The following HOOK2 variants were observed in gnomAD, a reference collection of about 807,000 sequenced individuals.
HOOK2 encodes protein Hook homolog 2.
HOOK2 carries 108 observed loss-of-function variants against 111.9 expected under a neutral mutation model. That is an observed-to-expected ratio of 0.96 (90% CI 0.83 to 1.13). HOOK2 has a LOEUF of 1.13. Among genes scored for constraint, HOOK2 ranks in the 50% most tolerant of loss-of-function variants. The pLI is 0.00. For missense variants in HOOK2, 978 were observed against 951.3 expected (o/e 1.03, Z -0.37); for synonymous variants, 405 against 394.3 (o/e 1.03, Z -0.32).
At chr19:12,792,305 A>G (rs753128221) in intron 3 of HOOK2, 4 of 1,502,010 alleles carry the variant, frequency 2.7e-6, no homozygotes, top group Non-Finnish European at 3.6e-6. Context: ...GCCCGGAGCC[A>G]CCTCCCGTTT....
At position 12,773,002 on chromosome 19, in the gene HOOK2, A is replaced by T. The variant is rs1968382242; in HGVS notation, c.247T>A (p.Ser83Thr). Residue 83 changes from serine to threonine, a missense_variant, in exon 4 of 23, where the codon TCC becomes ACC. Coordinates refer to ENST00000397668, the MANE Select transcript of HOOK2 (RefSeq NM_013312.3). ...CCTTTACAGTTACTCACATCCTGGGAGTACTCTACTAGGCTCCGTAAGACC... is the reference window on the plus strand; with the variant it reads ...CCTTTACAGTTACTCACATCCTGGGTGTACTCTACTAGGCTCCGTAAGACC... ...KMVLRSLVEY[S>T]QDVLAHPVSE... is the part of the protein sequence containing the mutation. The T allele has an allele frequency of 6.2e-7, 1 of 1,613,988 alleles. No homozygotes were observed. The highest frequency in any genetic ancestry group is 1.3e-5 in the African/African-American group (1 of 74,904).
chr19:12,767,854 C>G lies in HOOK2; in HGVS notation c.1265G>C (p.Arg422Pro), dbSNP rs780276631. The G allele has an allele frequency of 3.7e-6, 6 of 1,606,136 alleles. No individual in the cohort carries two copies. In the African/African-American group the frequency reaches 8.0e-5, roughly 21 times the overall value. Residue 422 changes from arginine (R) to proline (P), a missense_variant, in exon 13 of 23, where the codon CGC (arginine) becomes CCC (proline). By Grantham distance (103) the Arg-to-Pro change is moderately radical. Coordinates refer to ENST00000397668, the MANE Select transcript of HOOK2 (RefSeq NM_013312.3). ...DSLREANEEL[R>P]CAQLQPRGLT... ...CCCCCGCGGCTGCAGCTGGGCGCAG[C>G]GCAGCTCCTCATTGGCCTCCCGCAA...
intron 1 of HOOK2, 46 bp from the exon 2 acceptor site, chr19:12,774,943 C>T: frequency 1.9e-6 from 3 of 1,544,670 alleles, no homozygotes; most frequent in South Asian, 2.3e-5. Flanking sequence ...GGCCTGGGAG[C>T]GCCGAACCGC....
Position 12,774,034 on chromosome 19 carries a change from C to A in HOOK2, c.204+635G>T, listed in dbSNP as rs1968417216. The A allele has an allele frequency of 2.6e-5, 4 of 155,114 alleles. No homozygotes were observed. The South Asian group carries it at 7.8e-4, about 30-fold the overall frequency. 9.6% of individuals were successfully genotyped at this position (155,114 alleles called of 1,614,324 possible). A position where few individuals can be genotyped will look rare whatever the true frequency, so the allele number is the denominator to read the frequency against. On this transcript the variant is annotated intron_variant, in intron 3 of 22. Transcript: ENST00000397668. ...CACCTATGCCCTCATTGCTCTCTCT[C>A]AAAGCCCTGCTTTTTTGTTGTCTTC...
intron 3 of HOOK2, among the ~76,000 whole-genome samples, chr19:12,785,304 A>T (rs1316722139): frequency 1.3e-5 from 2 of 151,854 alleles, no homozygotes; most frequent in East Asian, 3.8e-4. Context: ...TTTCACACAC[A>T]CACACACACA....
intron 6 of HOOK2, 102 bp from the exon 7 acceptor site, chr19:12,772,354 C>A: frequency 7.7e-7 from 1 of 1,299,970 alleles, no homozygotes; most frequent in Non-Finnish European, 1.1e-6. Flanking sequence ...CCCGTCAAGG[C>A]CAGTTCTGCC....
Position 12,763,127 on chromosome 19 carries a change from TCCC to T in HOOK2, c.*152_*154del. ...TAAAAAGAACAGGCCTATATCTACCTCCCGCCCTCCCTCCCCACCAATCTGGGA... is the reference window on the plus strand; with the variant it reads ...TAAAAAGAACAGGCCTATATCTACCTGCCCTCCCTCCCCACCAATCTGGGA... On this transcript the variant is annotated 3_prime_UTR_variant, in exon 23 of 23. Coordinates refer to ENST00000397668, the MANE Select transcript of HOOK2 (RefSeq NM_013312.3). 1.5e-5 allele frequency: 9 copies of T among 618,232 alleles called. No individual in the cohort carries two copies. Among genetic ancestry groups the T allele is most frequent in the Non-Finnish European group, 2.0e-5 (7 of 355,746 alleles). 38.3% of individuals were successfully genotyped at this position (618,232 alleles called of 1,614,324 possible). A position where few individuals can be genotyped will look rare whatever the true frequency, so the allele number is the denominator to read the frequency against.
rs757010442 is a variant in HOOK2 at position 12,767,833 on chromosome 19, C to T, written c.1286G>A (p.Arg429Gln). 58 of 1,603,412 alleles carry T rather than the reference C, an allele frequency of 3.6e-5. No homozygotes were observed. The highest frequency in any genetic ancestry group is 4.5e-5 in the East Asian group (2 of 44,902). The change falls in exon 13 of 23, where the codon CGG becomes CAG. Residue 429 changes from arginine (R) to glutamine (Q), a missense_variant. This residue lies in a region of HOOK2 where 388 missense variants were observed against 358.3 expected (regional missense o/e 1.08). Transcript: ENST00000397668. ...EELRCAQLQP[R>Q]GLTQADPSLD... ...CATCTCACCGGCCTGGGTCAACCCCCGCGGCTGCAGCTGGGCGCAGCGCAG... is the reference window on the plus strand; with the variant it reads ...CATCTCACCGGCCTGGGTCAACCCCTGCGGCTGCAGCTGGGCGCAGCGCAG...
intron 11 of HOOK2, among the ~76,000 whole-genome samples, chr19:12,769,556 G>A (rs1968252424): frequency 6.6e-6 from 1 of 152,226 alleles, no homozygotes; most frequent in South Asian, 2.1e-4. Flanking sequence ...CCAAAGCGCT[G>A]GGATACCAGG....
Position 12,786,447 on chromosome 19 carries a change from G to T in HOOK2, n.42-12222C>A, listed in dbSNP as rs1308932237. 4.6e-5 allele frequency among the ~76,000 whole-genome samples: 7 copies of T among 152,102 alleles called. No individual in the cohort carries two copies. Among genetic ancestry groups the T allele is most frequent in the Non-Finnish European group, 1.0e-4 (7 of 67,972 alleles). ...CCCGAAGACACTTGTGGGTGGGGGT[G>T]GGTGAACTTCCTCCTTATCCTGTGC... is the stretch of plus-strand genomic sequence containing the variant. On this transcript the variant is annotated intron_variant and non_coding_transcript_variant, in intron 3 of 3. Transcript: ENST00000589765. This position sits in a 1 kb window ranked among gnomAD's most constrained non-coding sequence, Gnocchi z 4.3.
In HOOK2 at chr19:12,767,917, G is replaced by A; in HGVS notation, c.1216-14C>T. 2 of 1,611,474 alleles carry A rather than the reference G, an allele frequency of 1.2e-6. No homozygotes were observed. Among genetic ancestry groups the A allele is most frequent in the Non-Finnish European group, 1.7e-6 (2 of 1,179,056 alleles). ...CGCCAACAGCCGCTGCAGGGACAGG[G>A]TACAAGACACTCCACGGGTCAGGCT... On this transcript the variant is annotated splice_polypyrimidine_tract_variant and intron_variant, in intron 12 of 22. Coordinates refer to ENST00000397668, the MANE Select transcript of HOOK2 (RefSeq NM_013312.3).
chr19:12,777,818 C>T (rs3848589), upstream of HOOK2, among the ~76,000 whole-genome samples: 1 of 152,118 alleles, frequency 6.6e-6, no homozygotes, highest in African/African-American at 2.4e-5. Context: ...GGCGGTGGAG[C>T]GGGGGTCAAT....
At chr19:12,770,808 G>A (rs1002960371) in intron 10 of HOOK2, 124 bp downstream of exon 10, 3 of 1,201,712 alleles carry the variant, frequency 2.5e-6, no homozygotes, top group African/African-American at 3.1e-5. Flanking sequence ...TGGAGTCCAG[G>A]GGGCATATTG....
Position 12,771,317 on chromosome 19 carries a change from C to T in HOOK2, c.603G>A (p.Leu201=). Residue 201 remains leucine, a splice_region_variant and synonymous_variant, in exon 9 of 23, where the codon CTG becomes CTA. Coordinates refer to ENST00000397668, the MANE Select transcript of HOOK2 (RefSeq NM_013312.3). ...TCTGCTTCTCCTCTGACAGGAGCATCAGCTGCGGGCAGGGCAGAAAGATGA... is the reference window on the plus strand; with the variant it reads ...TCTGCTTCTCCTCTGACAGGAGCATTAGCTGCGGGCAGGGCAGAAAGATGA... ...QQRCLDLERQ[L]MLLSEEKQSL... 6.2e-7 allele frequency: 1 copy of T among 1,603,208 alleles called. No individual in the cohort carries two copies.
chr19:12,767,103 G>A (rs1192732039), intron 14 of HOOK2, among the ~76,000 whole-genome samples: 1 of 152,164 alleles, frequency 6.6e-6, no homozygotes, highest in Non-Finnish European at 1.5e-5. Flanking sequence ...AGGGGTGGAC[G>A]CTGGGGGAAA....
intron 3 of HOOK2, among the ~76,000 whole-genome samples, chr19:12,784,260 G>A (rs1438512194): frequency 1.3e-5 from 2 of 152,146 alleles, no homozygotes; most frequent in Admixed American, 6.5e-5. Flanking sequence ...CAGTCACCCC[G>A]AGAGAGCCAG....
In HOOK2 at chr19:12,791,956, G is replaced by C; in HGVS notation, n.42-17731C>G. ...GGGGCTCGCGGACCCGGCCCAGAGG[G>C]CGGCGGTGGCGGCAGCTACTTTTCT... On this transcript the variant is annotated intron_variant and non_coding_transcript_variant, in intron 3 of 3. Transcript: ENST00000589765. The surrounding 1 kb of genome is among the most constrained non-coding windows in gnomAD (Gnocchi z 7.0). 6.2e-7 allele frequency: 1 copy of C among 1,611,060 alleles called. No homozygotes were observed. Among genetic ancestry groups the C allele is most frequent in the East Asian group, 2.2e-5 (1 of 44,814 alleles).
intron 11 of HOOK2, among the ~76,000 whole-genome samples, chr19:12,769,011 C>G (rs1008090661): frequency 3.1e-4 from 45 of 146,880 alleles, no homozygotes; most frequent in Admixed American, 1.2e-3. Context: ...TGTCGCCCAG[C>G]CTGGAGTGCA....
intron 3 of HOOK2, 187 bp from the exon 4 acceptor site, chr19:12,773,231 C>CTT (rs373156108): frequency 2.4e-3 from 607 of 254,700 alleles, no homozygotes; most frequent in Non-Finnish European, 2.8e-3. Context: ...ATCTTTGTTT[C>CTT]TTTTTTTTTT....
Sources: gnomAD v4.1 joint callset for allele counts (sites outside exome capture counted in the v4.1 genomes callset) on GRCh38, gnomAD v4.1.1 for gene constraint, gnomAD v4.1.1 regional missense constraint, Gnocchi (gnomAD v3.1) non-coding constraint, MANE v1.5 for transcripts, NCBI Gene and HGNC (gene_info 2026-07-23, HGNC 2026-07-21) for gene names.